NECAB1: variants seen among roughly 807,000 people sequenced by gnomAD.
The protein encoded by NECAB1 is N-terminal EF-hand calcium binding protein 1, also known as N-terminal EF-hand calcium-binding protein 1.
NECAB1 carries 29 observed loss-of-function variants against 57.5 expected under a neutral mutation model. That is an observed-to-expected ratio of 0.50 (90% CI 0.38 to 0.69). The LOEUF is 0.69. Among genes scored for constraint, NECAB1 ranks in the 30% least tolerant of loss-of-function variants. NECAB1 has a pLI of 0.00. For synonymous variants in NECAB1, 142 were observed against 147.7 expected, an observed-to-expected ratio of 0.96 and a Z score of 0.28; for missense variants, 372 against 413.8, an observed-to-expected ratio of 0.90 and a Z score of 0.88.
intron 5 of NECAB1, among the ~76,000 whole-genome samples, chr8:90,884,861 C>T (rs73694325): frequency 1.5e-3 from 223 of 152,206 alleles, no homozygotes; most frequent in African/African-American, 5.1e-3. Context: ...AGGACAGAAG[C>T]CCTGAGTCAG....
intron 2 of NECAB1, among the ~76,000 whole-genome samples, chr8:90,823,818 G>C (rs1324261343): frequency 2.0e-5 from 3 of 151,834 alleles, no homozygotes; most frequent in Admixed American, 6.6e-5. Context: ...GCTTATCTGA[G>C]ATAACTGAAA....
intron 10 of NECAB1, among the ~76,000 whole-genome samples, chr8:90,949,146 TTGTGTGTG>T (rs59311652): frequency 0.26 from 34,045 of 130,016 alleles, 3,860 homozygotes; most frequent in East Asian, 0.42. Flanking sequence ...AACAGGCACT[TTGTGTGTG>T]TGTGTGTGTG....
At chr8:90,793,090 G>T (rs186951546) in intron 1 of NECAB1, among the ~76,000 whole-genome samples, 1 of 152,240 alleles carries the variant, frequency 6.6e-6, no homozygotes, top group African/African-American at 2.4e-5. Flanking sequence ...TGGGAGATGG[G>T]CCAGAAGCCA....
intron 5 of NECAB1, among the ~76,000 whole-genome samples, chr8:90,887,176 A>G (rs1586087265): frequency 1.3e-5 from 2 of 152,136 alleles, no homozygotes; most frequent in African/African-American, 4.8e-5. Flanking sequence ...GTAAGAAACA[A>G]CCCACCTAAT....
chr8:90,875,336 C>G (rs1211700428), intron 4 of NECAB1, among the ~76,000 whole-genome samples: 2 of 150,942 alleles, frequency 1.3e-5, no homozygotes, highest in African/African-American at 2.4e-5. Context: ...AAAAAATTAG[C>G]CGGGCGCGGT....
intron 3 of NECAB1, among the ~76,000 whole-genome samples, chr8:90,868,962 A>G (rs1045936146): frequency 2.0e-5 from 3 of 152,236 alleles, no homozygotes; most frequent in Admixed American, 6.5e-5. Context: ...TTTCATGGAC[A>G]AGGCCTAGGG....
In NECAB1 at chr8:90,957,238, T is replaced by C. The variant is rs1586156984; in HGVS notation, c.*1726T>C. ...TTGACATACAAACTCTTCTTGAGAA[T>C]GTTTGTTGTAAATGGTTTCAAAAAT... On this transcript the variant is annotated 3_prime_UTR_variant, in exon 13 of 13. Transcript: ENST00000417640. The C allele has an allele frequency of 6.6e-6, 1 of 151,996 alleles. No individual in the cohort carries two copies. Among genetic ancestry groups the C allele is most frequent in the African/African-American group, 2.4e-5 (1 of 41,430 alleles). The allele number at this position is 151,996 out of a possible 1,614,324, so 9.4% of individuals were successfully genotyped here. A position where few individuals can be genotyped will look rare whatever the true frequency, so the allele number is the denominator to read the frequency against.
At chr8:90,829,912 G>A (rs536157200) in intron 3 of NECAB1, among the ~76,000 whole-genome samples, 3 of 152,148 alleles carry the variant, frequency 2.0e-5, no homozygotes, top group South Asian at 4.1e-4. Flanking sequence ...ATGTGCCAAT[G>A]AGATAAAGTC....
chr8:90,941,954 G>T (rs775836335), intron 10 of NECAB1, among the ~76,000 whole-genome samples: 1 of 152,136 alleles, frequency 6.6e-6, no homozygotes, highest in South Asian at 2.1e-4. Flanking sequence ...GTTGCTTTGG[G>T]AAGGTTTTTA....
At chr8:90,912,036 A>C (rs1809842323) in intron 5 of NECAB1, among the ~76,000 whole-genome samples, 1 of 152,172 alleles carries the variant, frequency 6.6e-6, no homozygotes, top group Non-Finnish European at 1.5e-5. Context: ...ACAGAACGTA[A>C]GTGTGACTGT....
intron 3 of NECAB1, among the ~76,000 whole-genome samples, chr8:90,852,963 A>G (rs1425712056): frequency 3.9e-5 from 6 of 152,226 alleles, no homozygotes; most frequent in South Asian, 2.1e-4. Context: ...CAGCCACCTC[A>G]TGCGAAAAGG....
chr8:90,855,094 C>A (rs1292442203), intron 3 of NECAB1, among the ~76,000 whole-genome samples: 1 of 152,150 alleles, frequency 6.6e-6, no homozygotes, highest in East Asian at 1.9e-4. Context: ...CCCTCAGGAG[C>A]ACAGGTCACT....
chr8:90,852,966 C>A (rs533554118), intron 3 of NECAB1, among the ~76,000 whole-genome samples: 2 of 152,208 alleles, frequency 1.3e-5, no homozygotes, highest in Non-Finnish European at 2.9e-5. Flanking sequence ...CCACCTCATG[C>A]GAAAAGGCAG....
intron 3 of NECAB1, among the ~76,000 whole-genome samples, chr8:90,870,383 T>C (rs1404450971): frequency 1.3e-5 from 2 of 152,234 alleles, no homozygotes; most frequent in Non-Finnish European, 2.9e-5. Context: ...AAAGGTAAAG[T>C]AGAAACTTCT....
At chr8:90,907,151 TGAGAGAGAGAGAGAGA>T (rs71266152) in intron 5 of NECAB1, among the ~76,000 whole-genome samples, 2 of 102,042 alleles carry the variant, frequency 2.0e-5, no homozygotes, top group South Asian at 6.3e-4. Context: ...TGTGTGTGTG[TGAGAGAGAGAGAGAGA>T]GAGAGAGAGA....
chr8:90,805,353 G>A (rs1396953352), intron 2 of NECAB1, among the ~76,000 whole-genome samples: 1 of 142,650 alleles, frequency 7.0e-6, no homozygotes, highest in Non-Finnish European at 1.5e-5. Context: ...GCAATAGGCA[G>A]TATAATTGTT....
intron 5 of NECAB1, among the ~76,000 whole-genome samples, chr8:90,908,010 C>T (rs570330048): frequency 1.3e-5 from 2 of 152,188 alleles, no homozygotes; most frequent in Admixed American, 6.5e-5. Flanking sequence ...AGATCAAAAG[C>T]AAGGATAATT....
rs60341750 is a variant in NECAB1, at chr8:90,947,301, C to A, written c.861-2506C>A. The stretch of plus-strand genomic sequence containing the variant: ...CCTTTTAGCTATTGGGCTAACAACA[C>A]ATACACACACACACACACACACACA... On this transcript the variant is annotated intron_variant, in intron 10 of 12. Coordinates refer to ENST00000417640, the MANE Select transcript of NECAB1 (RefSeq NM_022351.5). 5.6e-3 allele frequency among the ~76,000 whole-genome samples: 475 copies of A among 84,538 alleles called. 11 individuals are homozygous for A. The highest frequency in any genetic ancestry group is 0.025 in the African/African-American group (380 of 15,106). 55.5% of individuals were successfully genotyped at this position (84,538 alleles called of 152,430 possible).
chr8:90,910,239 T>G (rs771901797), intron 5 of NECAB1, among the ~76,000 whole-genome samples: 5 of 152,122 alleles, frequency 3.3e-5, no homozygotes, highest in Non-Finnish European at 7.4e-5. Context: ...AGCTTATTTT[T>G]AAATACTTGG....
Sources: allele counts gnomAD v4.1 joint callset (sites outside exome capture counted in the v4.1 genomes callset), GRCh38; gene constraint gnomAD v4.1.1; transcripts MANE v1.5; gene names NCBI Gene and HGNC (gene_info 2026-07-23, HGNC 2026-07-21).